The following SYN2 variants were observed in gnomAD, a reference collection of about 807,000 sequenced individuals.
SYN2 encodes synapsin II, also known as synapsin-2.
Under a neutral mutation model 50.9 loss-of-function variants are expected in SYN2, and 19 were observed. The observed-to-expected ratio is 0.37, with a 90% CI of 0.26 to 0.55. SYN2 has a LOEUF of 0.55. SYN2 is among the 20% of genes least tolerant of loss of function. SYN2 has a pLI of 0.81. For missense variants in SYN2, 587 were observed against 576.4 expected (o/e 1.02, Z -0.19); for synonymous variants, 255 against 224.9 (o/e 1.13, Z -1.20).
chr3:12,017,227 G>T (rs1202596794), intron 1 of SYN2, among the ~76,000 whole-genome samples: 1 of 152,102 alleles, frequency 6.6e-6, no homozygotes, highest in African/African-American at 2.4e-5. Flanking sequence ...GGAAAGGCTT[G>T]GATAAACAAG....
intron 1 of SYN2, among the ~76,000 whole-genome samples, chr3:12,140,378 A>G (rs1696986215): frequency 1.3e-5 from 2 of 152,208 alleles, no homozygotes; most frequent in Non-Finnish European, 2.9e-5. Context: ...CTATTTCTAG[A>G]TGCGTTTTAT....
At chr3:12,079,805 T>C (rs866908199) in intron 1 of SYN2, among the ~76,000 whole-genome samples, 18 of 152,322 alleles carry the variant, frequency 1.2e-4, no homozygotes, top group South Asian at 4.1e-4. Context: ...TATAAGGTGA[T>C]GCTGGCCTCA....
chr3:12,065,910 C>T (rs916105250), intron 1 of SYN2, among the ~76,000 whole-genome samples: 1 of 152,012 alleles, frequency 6.6e-6, no homozygotes, highest in African/African-American at 2.4e-5. Flanking sequence ...TGTATGATTC[C>T]ATTTATATGA....
chr3:12,173,778 G>T (rs374136612), intron 10 of SYN2, among the ~76,000 whole-genome samples: 35 of 152,270 alleles, frequency 2.3e-4, no homozygotes, highest in African/African-American at 8.4e-4. Flanking sequence ...GCTGGGCATG[G>T]TGGCAGGTGT....
intron 1 of SYN2, among the ~76,000 whole-genome samples, chr3:12,134,782 T>C (rs1344628927): frequency 1.3e-5 from 2 of 152,212 alleles, no homozygotes; most frequent in Non-Finnish European, 2.9e-5. Context: ...AAATTTTTTT[T>C]TAAAGGAAAA....
At position 12,052,174 on chromosome 3, in the gene SYN2, G is replaced by T. The variant is rs1322507247; in HGVS notation, c.377+47246G>T. On this transcript the variant is annotated intron_variant, in intron 1 of 12. Transcript: ENST00000621198. Reference sequence around the variant, plus strand: ...TAGCTACATGCTAGGCGTTGTGCTAGACTGTATGCTATATATCATTTTAAA... The same window carrying T: ...TAGCTACATGCTAGGCGTTGTGCTATACTGTATGCTATATATCATTTTAAA... Among the ~76,000 whole-genome samples the T allele has an allele frequency of 3.9e-5, 6 of 152,162 alleles. 1 individual carries two copies. Among genetic ancestry groups the T allele is most frequent in the Admixed American group, 3.9e-4 (6 of 15,284 alleles).
At position 12,191,215 on chromosome 3, in the gene SYN2, A is replaced by T. The variant is rs182898056; in HGVS notation, c.*590A>T. ...TGAGTCTGCTGATATTCGGGAGAAC[A>T]AGGATCTGCAGTTTCCCCTTTTCTC... On this transcript the variant is annotated 3_prime_UTR_variant, in exon 13 of 13. Coordinates refer to ENST00000621198, the MANE Select transcript of SYN2 (RefSeq NM_133625.6). 9.2e-6 allele frequency: 9 copies of T among 978,790 alleles called. No individual in the cohort carries two copies. The highest frequency in any genetic ancestry group is 5.3e-4 in the Middle Eastern group (1 of 1,892). 60.6% of individuals were successfully genotyped at this position (978,790 alleles called of 1,614,324 possible).
chr3:12,121,426 AT>A (rs1297081112), intron 1 of SYN2, among the ~76,000 whole-genome samples: 2 of 152,126 alleles, frequency 1.3e-5, no homozygotes, highest in African/African-American at 2.4e-5. Context: ...TTATTTCTGC[AT>A]TTTTTATAGT....
intron 1 of SYN2, among the ~76,000 whole-genome samples, chr3:12,042,060 A>G (rs1030485279): frequency 6.6e-5 from 10 of 152,050 alleles, no homozygotes; most frequent in African/African-American, 2.2e-4. Context: ...GTTGTTTTCT[A>G]TTTTTTGTAT....
At chr3:12,158,106 A>G (rs1318030580) in intron 5 of SYN2, among the ~76,000 whole-genome samples, 4 of 152,204 alleles carry the variant, frequency 2.6e-5, no homozygotes, top group Non-Finnish European at 5.9e-5. Context: ...ACAACAGCAC[A>G]GCATAGTAGG....
intron 1 of SYN2, among the ~76,000 whole-genome samples, chr3:12,110,529 T>C (rs983703973): frequency 1.3e-5 from 2 of 152,234 alleles, no homozygotes; most frequent in Non-Finnish European, 2.9e-5. Context: ...TCTGCACTGC[T>C]GTAGCAGAGG....
At chr3:12,039,322 G>C (rs1417224524) in intron 1 of SYN2, among the ~76,000 whole-genome samples, 1 of 152,070 alleles carries the variant, frequency 6.6e-6, no homozygotes, top group African/African-American at 2.4e-5. Flanking sequence ...TGTAGCTGGG[G>C]CTTTCCACAA....
At chr3:12,063,328 A>G (rs891857326) in intron 1 of SYN2, among the ~76,000 whole-genome samples, 5 of 152,082 alleles carry the variant, frequency 3.3e-5, no homozygotes, top group Non-Finnish European at 7.4e-5. Context: ...GAATGAGGGA[A>G]AAAGGTGCTG....
intron 9 of SYN2, 107 bp downstream of exon 9, chr3:12,168,585 G>A: frequency 1.0e-6 from 1 of 958,804 alleles, no homozygotes; most frequent in Non-Finnish European, 1.6e-6. Context: ...AAATGTTCCA[G>A]CAAGATCAGT....
chr3:12,020,907 A>G (rs1030309798), intron 1 of SYN2, among the ~76,000 whole-genome samples: 5 of 152,254 alleles, frequency 3.3e-5, no homozygotes, highest in African/African-American at 1.2e-4. Context: ...CAGTATGATT[A>G]AAGGATGTTT....
At chr3:12,150,231 C>T (rs1334568921) in intron 4 of SYN2, among the ~76,000 whole-genome samples, 1 of 152,190 alleles carries the variant, frequency 6.6e-6, no homozygotes, top group African/African-American at 2.4e-5. Flanking sequence ...TGAACTAATC[C>T]AGTAGCCCTA....
At chr3:12,067,602 T>C (rs1195734177) in intron 1 of SYN2, among the ~76,000 whole-genome samples, 3 of 146,314 alleles carry the variant, frequency 2.1e-5, no homozygotes, top group African/African-American at 7.7e-5. Context: ...CTCCAGACTC[T>C]CTTATCTTAA....
chr3:12,161,332 T>TAC (rs1697643358), intron 5 of SYN2, among the ~76,000 whole-genome samples: 3 of 152,084 alleles, frequency 2.0e-5, no homozygotes, highest in African/African-American at 7.2e-5. Flanking sequence ...CAAATAAGAG[T>TAC]ACAGGGTTCT....
chr3:12,040,959 A>G (rs1232220030), intron 1 of SYN2, among the ~76,000 whole-genome samples: 2 of 152,196 alleles, frequency 1.3e-5, no homozygotes, highest in African/African-American at 2.4e-5. Context: ...GAGCTTGGGA[A>G]GAGGAGAAAA....
Sources: allele counts gnomAD v4.1 joint callset (sites outside exome capture counted in the v4.1 genomes callset), GRCh38; gene constraint gnomAD v4.1.1; transcripts MANE v1.5; gene names NCBI Gene and HGNC (gene_info 2026-07-23, HGNC 2026-07-21).